RIMS2: variants seen among roughly 807,000 people sequenced by gnomAD.
The protein encoded by RIMS2 is regulating synaptic membrane exocytosis 2.
A neutral mutation model predicts 174.4 loss-of-function variants in RIMS2; 59 were observed. The ratio of observed to expected loss-of-function variants is 0.34; its 90% CI spans 0.27 to 0.42. The LOEUF is 0.42. RIMS2 is among the 10% of genes least tolerant of loss of function. The pLI, the probability that RIMS2 is intolerant of heterozygous loss-of-function variation, is 1.00. For synonymous variants in RIMS2, 606 were observed against 572.5 expected, an observed-to-expected ratio of 1.06 and a Z score of -0.84; for missense variants, 1,620 against 1,666.3, an observed-to-expected ratio of 0.97 and a Z score of 0.48.
At chr8:103,622,297 C>A (rs1310196913) in intron 1 of RIMS2, among the ~76,000 whole-genome samples, 1 of 151,928 alleles carries the variant, frequency 6.6e-6, no homozygotes, top group Non-Finnish European at 1.5e-5. Flanking sequence ...TTTTCAGCAT[C>A]ATCACTATAA....
chr8:103,791,604 C>T (rs2098500028), intron 3 of RIMS2, among the ~76,000 whole-genome samples: 1 of 152,018 alleles, frequency 6.6e-6, no homozygotes, highest in South Asian at 2.1e-4. Flanking sequence ...CTAAATGCTC[C>T]AATTAAAAGA....
chr8:104,168,689 T>A (rs1180105624), intron 19 of RIMS2, among the ~76,000 whole-genome samples: 2 of 152,178 alleles, frequency 1.3e-5, no homozygotes, highest in Non-Finnish European at 2.9e-5. Flanking sequence ...CTATGTTGAA[T>A]AGAAGTGGTG....
chr8:103,982,362 AAAG>A (rs1194765650), intron 16 of RIMS2, among the ~76,000 whole-genome samples: 12 of 152,098 alleles, frequency 7.9e-5, no homozygotes, highest in East Asian at 7.7e-4. Context: ...TTCAAAAAAT[AAAG>A]AAGGAGAGAA....
chr8:103,914,426 A>T (rs1290852914), intron 6 of RIMS2, among the ~76,000 whole-genome samples: 1 of 152,240 alleles, frequency 6.6e-6, no homozygotes, highest in Non-Finnish European at 1.5e-5. Context: ...TAAATAAATC[A>T]ACATACAAAC....
chr8:103,670,289 AT>A (rs534506955), intron 1 of RIMS2, among the ~76,000 whole-genome samples: 231 of 151,932 alleles, frequency 1.5e-3, no homozygotes, highest in African/African-American at 5.1e-3. Context: ...CCACAAAACC[AT>A]TTTTTTCCTC....
At chr8:103,769,639 C>A (rs1473350754) in intron 3 of RIMS2, among the ~76,000 whole-genome samples, 3 of 151,748 alleles carry the variant, frequency 2.0e-5, no homozygotes, top group African/African-American at 7.2e-5. Flanking sequence ...TATCTGTAAT[C>A]TTTGAAGAAG....
chr8:103,945,895 A>G (rs2154540815), intron 14 of RIMS2, among the ~76,000 whole-genome samples: 1 of 152,286 alleles, frequency 6.6e-6, no homozygotes, highest in African/African-American at 2.4e-5. Context: ...CATGGTAATA[A>G]ATGCTTTCCC....
Position 103,857,115 on chromosome 8 carries a change from A to G in RIMS2, c.699-28183A>G, listed in dbSNP as rs543553916. ...TTTAAAGTGTGGTAATAGCTGAGAT[A>G]CGGTGTTACATAAAATTTTACTCAG... On this transcript the variant is annotated intron_variant, in intron 3 of 23. Coordinates refer to ENST00000504942, the Ensembl canonical transcript of RIMS2. Among the ~76,000 whole-genome samples the G allele has an allele frequency of 7.6e-4, 116 of 152,322 alleles. 1 individual carries two copies. Among genetic ancestry groups the G allele is most frequent in the African/African-American group, 2.5e-3 (104 of 41,582 alleles).
intron 14 of RIMS2, among the ~76,000 whole-genome samples, chr8:103,955,873 T>A (rs183002650): frequency 1.2e-4 from 18 of 152,266 alleles, no homozygotes; most frequent in Admixed American, 1.0e-3. Context: ...GCCCAAAATC[T>A]CCTTAAGCTA....
At chr8:103,696,859 T>C (rs559668094) in intron 1 of RIMS2, among the ~76,000 whole-genome samples, 6 of 58,270 alleles carry the variant, frequency 1.0e-4, no homozygotes, top group African/African-American at 4.5e-4. Context: ...CGAGACTTCG[T>C]CTCAAAAAAA....
intron 3 of RIMS2, among the ~76,000 whole-genome samples, chr8:103,814,285 A>G (rs1593000363): frequency 6.6e-6 from 1 of 152,040 alleles, no homozygotes; most frequent in East Asian, 1.9e-4. Context: ...TACAGGAGTA[A>G]TAACTAATAA....
rs71297263 is a variant in RIMS2, at chr8:104,173,920, GATTTATTTATTTATTT to G, written c.3335-70969_3335-70954del. Among the ~76,000 whole-genome samples, 56 of 139,018 alleles carry G rather than the reference GATTTATTTATTTATTT, an allele frequency of 4.0e-4. 1 individual carries two copies. Among genetic ancestry groups the G allele is most frequent in the East Asian group, 2.1e-3 (10 of 4,694 alleles). 91.2% of individuals were successfully genotyped at this position (139,018 alleles called of 152,430 possible). A position where few individuals can be genotyped will look rare whatever the true frequency, so the allele number is the denominator to read the frequency against. Reference sequence around the variant, plus strand: ...CTAGAAGTAATGGGTAATGTTAAAGGATTTATTTATTTATTTATTTATTTATTTATTTATTTATTTA... The same window carrying G: ...CTAGAAGTAATGGGTAATGTTAAAGGATTTATTTATTTATTTATTTATTTA... On this transcript the variant is annotated intron_variant, in intron 19 of 23. Transcript: ENST00000504942.
chr8:104,215,626 G>T (rs377415295), intron 19 of RIMS2, among the ~76,000 whole-genome samples: 115 of 152,278 alleles, frequency 7.6e-4, no homozygotes, highest in African/African-American at 2.7e-3. Flanking sequence ...ATGTTCATCT[G>T]GAATTTCAAG....
At chr8:103,910,164 C>A in exon 5 of RIMS2, 2 of 1,611,602 alleles carry the variant, frequency 1.2e-6, no homozygotes, top group South Asian at 2.2e-5. Flanking sequence ...TTGGATCATA[C>A]GTCTTGGCAT....
intron 6 of RIMS2, among the ~76,000 whole-genome samples, chr8:103,912,999 G>A (rs1384817641): frequency 7.2e-6 from 1 of 139,344 alleles, no homozygotes; most frequent in Non-Finnish European, 1.5e-5. Context: ...TTGAGATGGA[G>A]TCTCGCTGTA....
chr8:103,537,042 C>T (rs1840118273), intron 1 of RIMS2, among the ~76,000 whole-genome samples: 1 of 152,220 alleles, frequency 6.6e-6, no homozygotes, highest in South Asian at 2.1e-4. Context: ...TTGCCAGGCA[C>T]TGGGGATACA....
intron 3 of RIMS2, among the ~76,000 whole-genome samples, chr8:103,827,187 C>T (rs2098796471): frequency 2.0e-5 from 3 of 151,954 alleles, no homozygotes; most frequent in Non-Finnish European, 4.4e-5. Context: ...TCTTGTATGA[C>T]TTTGTGAAAA....
chr8:104,241,386 AC>A (rs2099293448), intron 19 of RIMS2, among the ~76,000 whole-genome samples: 1 of 152,124 alleles, frequency 6.6e-6, no homozygotes, highest in Non-Finnish European at 1.5e-5. Context: ...GTAAGAAGCA[AC>A]CTGTAAACAA....
At chr8:103,639,265 T>A (rs757714167) in intron 1 of RIMS2, among the ~76,000 whole-genome samples, 2 of 151,964 alleles carry the variant, frequency 1.3e-5, no homozygotes, top group Admixed American at 6.6e-5. Flanking sequence ...ACCTTTTAAA[T>A]ACAATTTGAT....
Sources: allele counts gnomAD v4.1 joint callset (sites outside exome capture counted in the v4.1 genomes callset), GRCh38; gene constraint gnomAD v4.1.1; transcripts MANE v1.5; gene names NCBI Gene and HGNC (gene_info 2026-07-23, HGNC 2026-07-21).